The following STK33 variants were observed in gnomAD, a reference collection of about 807,000 sequenced individuals.
The protein encoded by STK33 is serine/threonine kinase 33.
In STK33, 52 loss-of-function variants were observed where a neutral mutation model predicts 58.0. That is an observed-to-expected ratio of 0.90 (90% CI 0.72 to 1.13). The LOEUF (loss-of-function observed/expected upper bound fraction) is 1.13. STK33 is among the 50% of genes most tolerant of loss of function. STK33 has a pLI of 0.00. For missense variants in STK33, 630 were observed against 604.2 expected (o/e 1.04, Z -0.45); for synonymous variants, 215 against 200.1 (o/e 1.07, Z -0.63).
At chr11:8,357,363 G>A in the STK33 span, among the ~76,000 whole-genome samples, 1 of 152,240 alleles carries the variant, frequency 6.6e-6, no homozygotes, top group African/African-American at 2.4e-5. Flanking sequence ...AGGAGTGCGA[G>A]CTGTCAGCTC....
the STK33 span, among the ~76,000 whole-genome samples, chr11:8,373,361 T>G: frequency 6.6e-6 from 1 of 152,010 alleles, no homozygotes; most frequent in African/African-American, 2.4e-5. Flanking sequence ...TGTGGAGCCC[T>G]CATGGAGAGA....
At chr11:8,430,632 G>A (rs1266540626) in intron 14 of STK33, among the ~76,000 whole-genome samples, 1 of 152,150 alleles carries the variant, frequency 6.6e-6, no homozygotes, top group East Asian at 1.9e-4. Flanking sequence ...AGTAGTTGTT[G>A]TAGTACATTT....
chr11:8,564,889 A>G (rs930879555), intron 1 of STK33, among the ~76,000 whole-genome samples: 4 of 152,204 alleles, frequency 2.6e-5, no homozygotes, highest in African/African-American at 7.2e-5. Context: ...ACATATCCTA[A>G]GCAGAAAGAG....
At chr11:8,373,166 C>A in the STK33 span, among the ~76,000 whole-genome samples, 2 of 152,156 alleles carry the variant, frequency 1.3e-5, no homozygotes, top group Non-Finnish European at 2.9e-5. Flanking sequence ...GTTCTCACAG[C>A]AAAGGTTGGG....
chr11:8,500,834 T>C (rs917437020), intron 1 of STK33, among the ~76,000 whole-genome samples: 1 of 152,172 alleles, frequency 6.6e-6, no homozygotes, highest in Admixed American at 6.6e-5. Context: ...ACAACAGACA[T>C]ATAGATCATA....
At chr11:8,493,768 C>T (rs917573063) in intron 1 of STK33, among the ~76,000 whole-genome samples, 1 of 152,170 alleles carries the variant, frequency 6.6e-6, no homozygotes, top group Non-Finnish European at 1.5e-5. Context: ...TTGGCTTCAT[C>T]CCTGGGATGC....
At chr11:8,532,065 C>A (rs1025466078) in intron 1 of STK33, among the ~76,000 whole-genome samples, 2 of 152,146 alleles carry the variant, frequency 1.3e-5, no homozygotes, top group Non-Finnish European at 2.9e-5. Flanking sequence ...TTATTTAAAC[C>A]AGGGACTTTC....
chr11:8,408,144 G>T (rs558907159), intron 15 of STK33, among the ~76,000 whole-genome samples: 1 of 152,256 alleles, frequency 6.6e-6, no homozygotes, highest in East Asian at 1.9e-4. Context: ...TCATTATTTT[G>T]TGGGGTTTAT....
At chr11:8,394,725 T>A (rs1044095126) in intron 15 of STK33, among the ~76,000 whole-genome samples, 2 of 152,190 alleles carry the variant, frequency 1.3e-5, no homozygotes, top group African/African-American at 4.8e-5. Context: ...ATACAATATC[T>A]TGAGATCATT....
chr11:8,343,803 C>G, the STK33 span, among the ~76,000 whole-genome samples: 1 of 152,164 alleles, frequency 6.6e-6, no homozygotes, highest in Non-Finnish European at 1.5e-5. Context: ...CCTTAGCCCT[C>G]GAGGGCAGTG....
intron 1 of STK33, among the ~76,000 whole-genome samples, chr11:8,553,230 GTA>G (rs1263167636): frequency 1.4e-3 from 99 of 71,440 alleles, no homozygotes; most frequent in African/African-American, 4.8e-3. Context: ...TATATGGTGT[GTA>G]TATATATATG....
chr11:8,421,143 T>C (rs78607802), intron 14 of STK33, among the ~76,000 whole-genome samples: 16,456 of 152,220 alleles, frequency 0.11, 999 homozygotes, highest in African/African-American at 0.15. Flanking sequence ...GTTCTTAACA[T>C]AGACAAGCTA....
chr11:8,462,442 T>TACACACAC (rs10635095), intron 7 of STK33, among the ~76,000 whole-genome samples: 29 of 128,328 alleles, frequency 2.3e-4, no homozygotes, highest in South Asian at 2.2e-3. Context: ...TATACATATA[T>TACACACAC]ACACACACAC....
chr11:8,378,479 T>C, the STK33 span, among the ~76,000 whole-genome samples: 41 of 152,082 alleles, frequency 2.7e-4, no homozygotes, highest in Non-Finnish European at 3.7e-4. Flanking sequence ...GATCGCACCA[T>C]TGCACTCCAG....
chr11:8,372,906 T>C, the STK33 span, among the ~76,000 whole-genome samples: 3 of 152,142 alleles, frequency 2.0e-5, no homozygotes, highest in African/African-American at 7.2e-5. Flanking sequence ...GTGAGGACTG[T>C]CATGGAGGTA....
intron 14 of STK33, among the ~76,000 whole-genome samples, chr11:8,426,182 G>A (rs1430581631): frequency 6.6e-6 from 1 of 152,276 alleles, no homozygotes. Context: ...AGATGGATGG[G>A]GAGCCAGAAG....
chr11:8,528,262 A>C (rs1954223531), intron 1 of STK33, among the ~76,000 whole-genome samples: 1 of 152,232 alleles, frequency 6.6e-6, no homozygotes, highest in Non-Finnish European at 1.5e-5. Flanking sequence ...TTTCCAGACT[A>C]GCTGATAAAG....
intron 15 of STK33, among the ~76,000 whole-genome samples, chr11:8,395,236 G>A (rs558203208): frequency 1.3e-5 from 2 of 152,318 alleles, no homozygotes; most frequent in African/African-American, 4.8e-5. Flanking sequence ...GACCCAGTGG[G>A]AGGTAATTGA....
At chr11:8,355,063 C>A in the STK33 span, among the ~76,000 whole-genome samples, 10 of 152,248 alleles carry the variant, frequency 6.6e-5, no homozygotes, top group African/African-American at 2.4e-4. Context: ...GCGGCCGCTG[C>A]CTGCTAATTG....
Sources: gnomAD v4.1 joint callset for allele counts (sites outside exome capture counted in the v4.1 genomes callset) on GRCh38, gnomAD v4.1.1 for gene constraint, MANE v1.5 for transcripts, NCBI Gene and HGNC (gene_info 2026-07-23, HGNC 2026-07-21) for gene names.